Variants in NPAS3 observed in about 807,000 individuals in gnomAD.
NPAS3 encodes neuronal PAS domain protein 3, also known as neuronal PAS domain-containing protein 3.
A neutral mutation model predicts 73.1 loss-of-function variants in NPAS3; 14 were observed. That is an observed-to-expected ratio of 0.19 (90% CI 0.13 to 0.30). The LOEUF is 0.30. Ranked by LOEUF, NPAS3 falls within the 10% of genes least tolerant of loss-of-function variation. The pLI is 1.00. For synonymous variants in NPAS3, 620 were observed against 541.5 expected, an observed-to-expected ratio of 1.14 and a Z score of -2.01; for missense variants, 1,096 against 1,250.0, an observed-to-expected ratio of 0.88 and a Z score of 1.86.
At chr14:33,090,333 G>T (rs1378195144) in intron 2 of NPAS3, among the ~76,000 whole-genome samples, 1 of 152,086 alleles carries the variant, frequency 6.6e-6, no homozygotes, top group Non-Finnish European at 1.5e-5. Context: ...ACAAAAGAAG[G>T]CAGGGGTTGC....
At chr14:33,083,368 C>T (rs1350110386) in intron 2 of NPAS3, among the ~76,000 whole-genome samples, 1 of 151,926 alleles carries the variant, frequency 6.6e-6, no homozygotes. Flanking sequence ...TGAGTAGTAG[C>T]TATATTGGCA....
intron 3 of NPAS3, among the ~76,000 whole-genome samples, chr14:33,301,593 C>T (rs1289262287): frequency 6.6e-6 from 1 of 151,756 alleles, no homozygotes; most frequent in African/African-American, 2.4e-5. Context: ...GTTAAAATGA[C>T]ATTTGGATTT....
At chr14:33,636,789 A>G (rs1595334637) in intron 5 of NPAS3, among the ~76,000 whole-genome samples, 1 of 152,086 alleles carries the variant, frequency 6.6e-6, no homozygotes, top group East Asian at 1.9e-4. Context: ...CAATTTCAAA[A>G]TGAGACACAA....
At chr14:33,149,145 G>A (rs1352757542) in intron 2 of NPAS3, among the ~76,000 whole-genome samples, 1 of 152,074 alleles carries the variant, frequency 6.6e-6, no homozygotes, top group Non-Finnish European at 1.5e-5. Context: ...AGACATTTGT[G>A]ACATGAATAA....
chr14:33,476,030 T>G (rs1165593388), intron 4 of NPAS3, among the ~76,000 whole-genome samples: 2 of 152,188 alleles, frequency 1.3e-5, no homozygotes, highest in Non-Finnish European at 2.9e-5. Context: ...TGGTGAAGAA[T>G]AAGACGTGCC....
At chr14:33,670,855 T>TTA (rs1334774905) in intron 5 of NPAS3, among the ~76,000 whole-genome samples, 33 of 150,010 alleles carry the variant, frequency 2.2e-4, no homozygotes, top group African/African-American at 7.6e-4. Context: ...GAGTGGGGCC[T>TTA]GGATGCAGAA....
At chr14:33,713,306 A>C (rs969151626) in intron 6 of NPAS3, among the ~76,000 whole-genome samples, 1 of 152,196 alleles carries the variant, frequency 6.6e-6, no homozygotes, top group Admixed American at 6.5e-5. Flanking sequence ...TTGCCCCCTC[A>C]ACATATGAGT....
chr14:33,441,391 AAAAGAT>A (rs1374924734), intron 4 of NPAS3, among the ~76,000 whole-genome samples: 2 of 125,908 alleles, frequency 1.6e-5, no homozygotes, highest in Admixed American at 1.5e-4. Flanking sequence ...AAGTAGAAAA[AAAAGAT>A]AAAAGAATCT....
intron 1 of NPAS3, among the ~76,000 whole-genome samples, chr14:32,986,768 G>T (rs942838242): frequency 1.3e-5 from 2 of 152,232 alleles, no homozygotes; most frequent in Non-Finnish European, 2.9e-5. Context: ...CTTTGATTGA[G>T]CTGGGCTGTG....
intron 2 of NPAS3, among the ~76,000 whole-genome samples, chr14:33,093,934 A>T (rs926179727): frequency 6.7e-6 from 1 of 149,256 alleles, no homozygotes; most frequent in Non-Finnish European, 1.5e-5. Flanking sequence ...ACACTTGGAC[A>T]TGGGAAGGGG....
intron 2 of NPAS3, among the ~76,000 whole-genome samples, chr14:33,164,374 T>A (rs1487740164): frequency 6.7e-6 from 1 of 149,672 alleles, no homozygotes; most frequent in Non-Finnish European, 1.5e-5. Flanking sequence ...TGAAAAACTG[T>A]TTGTTTTATG....
rs187797570 is a variant in NPAS3 at position 33,735,052 on chromosome 14, C to T, written c.734-162C>T. Among the ~76,000 whole-genome samples, 265 of 152,194 alleles carry T rather than the reference C, an allele frequency of 1.7e-3. 1 individual carries two copies. Among genetic ancestry groups the T allele is most frequent in the African/African-American group, 5.0e-3 (209 of 41,526 alleles). On this transcript the variant is annotated intron_variant, in intron 6 of 11. Coordinates refer to ENST00000356141, the Ensembl canonical transcript of NPAS3. ...ACATTAATTTTTCTTTTTTATTTTC[C>T]GCAAAGTAAACATTTTCTAAATGAG...
At chr14:33,039,677 G>A (rs1350280033) in intron 1 of NPAS3, among the ~76,000 whole-genome samples, 2 of 152,198 alleles carry the variant, frequency 1.3e-5, no homozygotes, top group Non-Finnish European at 2.9e-5. Flanking sequence ...GTCTAAAACT[G>A]GTGCTGATAA....
chr14:33,726,818 A>C (rs902590591), intron 6 of NPAS3, among the ~76,000 whole-genome samples: 6 of 152,188 alleles, frequency 3.9e-5, no homozygotes, highest in African/African-American at 1.2e-4. Context: ...TTCTAGGGTC[A>C]TGTGCTGAGT....
chr14:33,166,190 G>C (rs1360688853), intron 2 of NPAS3, among the ~76,000 whole-genome samples: 3 of 152,080 alleles, frequency 2.0e-5, no homozygotes, highest in Non-Finnish European at 2.9e-5. Context: ...TCATCTTCTT[G>C]AAATCCTTAA....
chr14:33,443,492 G>A (rs2049343381), intron 4 of NPAS3, among the ~76,000 whole-genome samples: 3 of 152,172 alleles, frequency 2.0e-5, no homozygotes, highest in Non-Finnish European at 2.9e-5. Context: ...CACCAGTAGG[G>A]AATCCAGTTG....
chr14:33,287,800 A>G (rs572297846), intron 3 of NPAS3, among the ~76,000 whole-genome samples: 43 of 152,322 alleles, frequency 2.8e-4, no homozygotes, highest in Middle Eastern at 6.8e-3. Context: ...GAGCAGGGTG[A>G]AAGAACTAGT....
At chr14:33,361,467 G>A (rs2045598144) in intron 3 of NPAS3, among the ~76,000 whole-genome samples, 1 of 152,128 alleles carries the variant, frequency 6.6e-6, no homozygotes, top group Admixed American at 6.5e-5. Flanking sequence ...AATAGTTGAA[G>A]CAATATAAAT....
intron 7 of NPAS3, among the ~76,000 whole-genome samples, chr14:33,740,803 A>G (rs776641557): frequency 1.3e-5 from 2 of 152,148 alleles, no homozygotes; most frequent in African/African-American, 2.4e-5. Context: ...GGTGATCACA[A>G]TTTTTTGTTA....
Sources: allele counts gnomAD v4.1 joint callset (sites outside exome capture counted in the v4.1 genomes callset), GRCh38; gene constraint gnomAD v4.1.1; transcripts MANE v1.5; gene names NCBI Gene and HGNC (gene_info 2026-07-23, HGNC 2026-07-21).